Variants in TTC21B observed in about 807,000 individuals in gnomAD.
TTC21B encodes the protein tetratricopeptide repeat protein 21B.
Under a neutral mutation model 175.1 loss-of-function variants are expected in TTC21B, and 127 were observed. That is an observed-to-expected ratio of 0.73 (90% CI 0.63 to 0.84). The LOEUF (loss-of-function observed/expected upper bound fraction) is 0.84, where lower values mean the gene tolerates loss of function less well. Ranked by LOEUF, TTC21B falls within the 40% of genes least tolerant of loss-of-function variation. The pLI is 0.00. For missense variants in TTC21B, 1,561 were observed against 1,558.3 expected (o/e 1.00, Z -0.03); for synonymous variants, 524 against 524.5 (o/e 1.00, Z 0.01).
intron 24 of TTC21B, 32 bp from the exon 25 acceptor site, chr2:165,888,506 C>G (rs1375027571): frequency 6.6e-7 from 1 of 1,512,340 alleles, no homozygotes; most frequent in Non-Finnish European, 9.1e-7. Context: ...TCACTTCTGT[C>G]TCTTACTCAT....
rs1686124909 is a variant in TTC21B, at chr2:165,915,302, A to T, written c.2037T>A (p.Asn679Lys). 1 of 1,614,016 alleles carries T rather than the reference A, an allele frequency of 6.2e-7. No homozygotes were observed. The highest frequency in any genetic ancestry group is 1.3e-5 in the African/African-American group (1 of 74,926). The change falls in exon 15 of 29, where the codon AAT (asparagine) becomes AAA (lysine). Residue 679 changes from asparagine to lysine, a missense_variant. By Grantham distance (94) the Asn-to-Lys change is moderately conservative (BLOSUM62 0). Coordinates refer to ENST00000243344, the MANE Select transcript of TTC21B (RefSeq NM_024753.5). ...TAAAATAAGGCTGTTCGGCTGTAAC[A>T]TTCTGAAGGATGCTTAAAGCCCGTT... Reference protein sequence around the residue: ...DIERALSILQNVTAEQPYFIE... With the variant: ...DIERALSILQKVTAEQPYFIE...
intron 22 of TTC21B, among the ~76,000 whole-genome samples, chr2:165,893,098 T>G (rs1685249131): frequency 6.6e-6 from 1 of 152,214 alleles, no homozygotes; most frequent in African/African-American, 2.4e-5. Context: ...ATATTGGTCT[T>G]GTCCTTTAGC....
In TTC21B at chr2:165,890,644, G is replaced by A. The variant is rs750756355; in HGVS notation, c.3102-4C>T. Reference sequence around the variant, plus strand: ...ATCATTTGGTTCTCCAGTGTACCTTGTTAGATGTTTAAAAGAATTATTTAT... The same window carrying A: ...ATCATTTGGTTCTCCAGTGTACCTTATTAGATGTTTAAAAGAATTATTTAT... On this transcript the variant is annotated splice_polypyrimidine_tract_variant and splice_region_variant and intron_variant, in intron 23 of 28. Coordinates refer to ENST00000243344, the MANE Select transcript of TTC21B (RefSeq NM_024753.5). 1 of 1,613,016 alleles carries A rather than the reference G, an allele frequency of 6.2e-7. No individual in the cohort carries two copies. Among genetic ancestry groups the A allele is most frequent in the Non-Finnish European group, 8.5e-7 (1 of 1,179,342 alleles).
intron 6 of TTC21B, among the ~76,000 whole-genome samples, chr2:165,937,327 A>T (rs1687187190): frequency 6.6e-6 from 1 of 152,128 alleles, no homozygotes; most frequent in Non-Finnish European, 1.5e-5. Context: ...GATAATTTTT[A>T]GGGCAGTAGA....
At chr2:165,946,589 G>A (rs1005980233) in intron 3 of TTC21B, among the ~76,000 whole-genome samples, 1 of 152,174 alleles carries the variant, frequency 6.6e-6, no homozygotes. Context: ...TGTGATCCCA[G>A]CACTTTGGGA....
intron 11 of TTC21B, among the ~76,000 whole-genome samples, chr2:165,926,991 C>CAT (rs367965246): frequency 0.29 from 4,261 of 14,606 alleles, 1,381 homozygotes; most frequent in East Asian, 0.64. Flanking sequence ...TATAAACTCC[C>CAT]ATATATATAT....
intron 3 of TTC21B, chr2:165,949,050 A>T: frequency 3.5e-6 from 1 of 284,786 alleles, no homozygotes; most frequent in Non-Finnish European, 6.7e-6. Context: ...AAAAGTTGTA[A>T]ACTTGGCTGC....
In TTC21B at chr2:165,924,602, A is replaced by C. The variant is rs554881061; in HGVS notation, c.1463T>G (p.Val488Gly). ...GAAGACTGTTTGCAGAAGACCTGGAACAGTTCTTACTACAGTCTCCAGGAC... is the reference window on the plus strand; with the variant it reads ...GAAGACTGTTTGCAGAAGACCTGGACCAGTTCTTACTACAGTCTCCAGGAC... ...ISVLETVVRT[V>G]PGLLQTVFLI... The change falls in exon 12 of 29, where the codon GTT (valine) becomes GGT (glycine). Residue 488 changes from valine (V) to glycine (G), a missense_variant. By Grantham distance (109) the Val-to-Gly change is moderately radical. Coordinates refer to ENST00000243344, the MANE Select transcript of TTC21B (RefSeq NM_024753.5). The C allele has an allele frequency of 1.2e-6, 2 of 1,613,774 alleles. No homozygotes were observed. Among genetic ancestry groups the C allele is most frequent in the South Asian group, 2.2e-5 (2 of 91,054 alleles).
At chr2:165,938,336 CAAAG>C (rs1221681961) in intron 6 of TTC21B, among the ~76,000 whole-genome samples, 7 of 151,738 alleles carry the variant, frequency 4.6e-5, no homozygotes, top group African/African-American at 1.7e-4. Flanking sequence ...AGCTAAGAAA[CAAAG>C]AAAGAATGAC....
rs759876833 is a variant in TTC21B, at chr2:165,880,751, GC to G, written c.3732del (p.Glu1244AspfsTer9). 4 of 1,613,250 alleles carry G rather than the reference GC, an allele frequency of 2.5e-6. No individual in the cohort carries two copies. In the South Asian group the frequency reaches 4.4e-5, roughly 18 times the overall value. ...TTCAAGGCAGCATCTGTATATGCTT[GC>G]TCTTTTTCCATAATGTATCCCATAT... ...YEYMGYIMEKEQAYTDAALNY... is the reference protein window; with the variant it reads ...YEYMGYIMEKXQAYTDAALNY... On this transcript the variant is annotated frameshift_variant, in exon 27 of 29. Coordinates refer to ENST00000243344, the MANE Select transcript of TTC21B (RefSeq NM_024753.5). LOFTEE classifies it high-confidence loss of function.
At chr2:165,925,927 C>T (rs975137081) in intron 11 of TTC21B, among the ~76,000 whole-genome samples, 23 of 152,078 alleles carry the variant, frequency 1.5e-4, no homozygotes, top group African/African-American at 5.5e-4. Context: ...TTGTCACCTG[C>T]TAAGAATGAG....
intron 16 of TTC21B, among the ~76,000 whole-genome samples, chr2:165,912,895 C>A (rs1029870220): frequency 6.6e-6 from 1 of 152,194 alleles, no homozygotes; most frequent in African/African-American, 2.4e-5. Flanking sequence ...ACCATCTTGA[C>A]TTTTCATTTC....
chr2:165,928,439 T>C (rs185668055), intron 11 of TTC21B, among the ~76,000 whole-genome samples: 1 of 152,228 alleles, frequency 6.6e-6, no homozygotes, highest in African/African-American at 2.4e-5. Flanking sequence ...CTCTAGTTCT[T>C]GCAGGTCAAA....
intron 18 of TTC21B, among the ~76,000 whole-genome samples, chr2:165,908,930 T>C (rs1685837538): frequency 6.6e-6 from 1 of 152,096 alleles, no homozygotes; most frequent in Non-Finnish European, 1.5e-5. Flanking sequence ...AATAAATACA[T>C]TTATAATTAG....
chr2:165,946,827 G>A (rs1687585910), intron 3 of TTC21B, among the ~76,000 whole-genome samples: 1 of 151,978 alleles, frequency 6.6e-6, no homozygotes, highest in African/African-American at 2.4e-5. Context: ...AACAGAGGAG[G>A]TATATGGTTA....
intron 18 of TTC21B, among the ~76,000 whole-genome samples, chr2:165,908,035 T>C (rs891164119): frequency 1.3e-5 from 2 of 152,134 alleles, no homozygotes; most frequent in Non-Finnish European, 2.9e-5. Flanking sequence ...AGACATATAT[T>C]AGGAGATAAC....
chr2:165,907,292 T>C (rs983935352), intron 19 of TTC21B, among the ~76,000 whole-genome samples: 2 of 151,792 alleles, frequency 1.3e-5, no homozygotes, highest in African/African-American at 4.8e-5. Context: ...CATCAACCAC[T>C]TGGGAACATA....
At chr2:165,877,658 A>G (rs1237687593) in intron 27 of TTC21B, among the ~76,000 whole-genome samples, 1 of 152,172 alleles carries the variant, frequency 6.6e-6, no homozygotes. Context: ...GAAGATTTCC[A>G]TTGTTAAGCG....
intron 17 of TTC21B, among the ~76,000 whole-genome samples, chr2:165,912,044 G>A (rs1301170230): frequency 6.6e-6 from 1 of 152,120 alleles, no homozygotes; most frequent in East Asian, 1.9e-4. Context: ...TATGAGGCCA[G>A]TGAACCTTAT....
Sources: gnomAD v4.1 joint callset for allele counts (sites outside exome capture counted in the v4.1 genomes callset) on GRCh38, gnomAD v4.1.1 for gene constraint, MANE v1.5 for transcripts, NCBI Gene and HGNC (gene_info 2026-07-23, HGNC 2026-07-21) for gene names.